DPY19L1: variants seen among roughly 807,000 people sequenced by gnomAD.
The protein encoded by DPY19L1 is protein C-mannosyl-transferase DPY19L1.
DPY19L1 carries 35 observed loss-of-function variants against 96.9 expected under a neutral mutation model. That is an observed-to-expected ratio of 0.36 (90% CI 0.28 to 0.48). DPY19L1 has a LOEUF of 0.48. DPY19L1 is among the 20% of genes least tolerant of loss of function. DPY19L1 has a pLI of 0.99. For missense variants in DPY19L1, 521 were observed against 777.9 expected (o/e 0.67, Z 3.93); for synonymous variants, 205 against 252.6 (o/e 0.81, Z 1.79).
At chr7:35,022,098 AAAT>A (rs1301929295) in intron 1 of DPY19L1, among the ~76,000 whole-genome samples, 3 of 152,176 alleles carry the variant, frequency 2.0e-5, no homozygotes, top group South Asian at 2.1e-4. Context: ...GCCTACAAAA[AAAT>A]AATATTTTAA....
chr7:34,956,044 T>G (rs1247430185), intron 11 of DPY19L1, among the ~76,000 whole-genome samples: 2 of 152,144 alleles, frequency 1.3e-5, no homozygotes, highest in Non-Finnish European at 2.9e-5. Context: ...TCATTTATTT[T>G]TATACACCAA....
At chr7:34,933,375 C>T (rs1783798950) in intron 21 of DPY19L1, among the ~76,000 whole-genome samples, 1 of 152,216 alleles carries the variant, frequency 6.6e-6, no homozygotes, top group Non-Finnish European at 1.5e-5. Flanking sequence ...TAAGTGAGAA[C>T]ATACAATATT....
In DPY19L1 at chr7:34,957,984, C is replaced by G; in HGVS notation, c.1179G>C (p.Trp393Cys). Residue 393 changes from tryptophan to cysteine, a missense_variant and splice_region_variant, in exon 11 of 22, where the codon TGG (tryptophan) becomes TGC (cysteine). By Grantham distance (215) the Trp-to-Cys change is radical (BLOSUM62 -2). Coordinates refer to ENST00000638088, the MANE Select transcript of DPY19L1 (RefSeq NM_001366673.1). ...CATATAAGTGTTAAGGAATACTTAC[C>G]CAAATAATTACCAAAGAAGAAGCAT... ...SYYASSLVII[W>C]GILAMKPHFL... The G allele has an allele frequency of 6.4e-7, 1 of 1,559,644 alleles. No homozygotes were observed.
At chr7:35,011,583 A>T in intron 4 of DPY19L1, 133 bp from the exon 5 acceptor site, 4 of 847,532 alleles carry the variant, frequency 4.7e-6, no homozygotes, top group Non-Finnish European at 7.1e-6. Flanking sequence ...CTTTAAATGT[A>T]GTAAAACAAG....
chr7:34,993,180 T>G (rs533764421), intron 6 of DPY19L1, among the ~76,000 whole-genome samples: 1 of 152,338 alleles, frequency 6.6e-6, no homozygotes, highest in South Asian at 2.1e-4. Context: ...TTTCCTTTAT[T>G]TCTTCTGCAC....
intron 6 of DPY19L1, among the ~76,000 whole-genome samples, chr7:34,994,140 C>A (rs572207176): frequency 2.6e-5 from 4 of 152,210 alleles, no homozygotes; most frequent in African/African-American, 9.6e-5. Context: ...ACAAAGAGAA[C>A]ATGATAAAAT....
At chr7:34,983,891 A>G (rs1003586339) in intron 7 of DPY19L1, among the ~76,000 whole-genome samples, 2 of 152,210 alleles carry the variant, frequency 1.3e-5, no homozygotes, top group African/African-American at 4.8e-5. Context: ...TGAACAAAGC[A>G]CGTCTAGGTT....
At chr7:34,995,148 A>C (rs1785255275) in intron 6 of DPY19L1, among the ~76,000 whole-genome samples, 1 of 152,182 alleles carries the variant, frequency 6.6e-6, no homozygotes, top group Non-Finnish European at 1.5e-5. Flanking sequence ...ATGTGACTTG[A>C]AACAAATCTA....
intron 7 of DPY19L1, among the ~76,000 whole-genome samples, chr7:34,982,992 C>A (rs1336101607): frequency 1.3e-5 from 2 of 152,160 alleles, no homozygotes; most frequent in Non-Finnish European, 2.9e-5. Flanking sequence ...CTGAGTTAAG[C>A]ACCTGGAAAG....
intron 3 of DPY19L1, among the ~76,000 whole-genome samples, chr7:35,017,412 G>A (rs1208654752): frequency 6.6e-6 from 1 of 150,566 alleles, no homozygotes; most frequent in Non-Finnish European, 1.5e-5. Flanking sequence ...GGAGAATGGC[G>A]TGAACCCGGG....
chr7:34,947,522 C>G, intron 15 of DPY19L1, 108 bp downstream of exon 15: 1 of 799,824 alleles, frequency 1.3e-6, no homozygotes, highest in South Asian at 1.7e-5. Context: ...TTACAGTAAG[C>G]CCATACAAAA....
intron 10 of DPY19L1, among the ~76,000 whole-genome samples, chr7:34,959,155 C>T (rs1434655095): frequency 6.6e-6 from 1 of 152,064 alleles, no homozygotes; most frequent in East Asian, 1.9e-4. Context: ...CAAATCAAAA[C>T]CACAATGAGA....
intron 10 of DPY19L1, among the ~76,000 whole-genome samples, chr7:34,962,618 G>A (rs1784523767): frequency 6.6e-6 from 1 of 152,096 alleles, no homozygotes; most frequent in Non-Finnish European, 1.5e-5. Flanking sequence ...GATCCCTTGA[G>A]CCCAGGAGGT....
chr7:34,970,538 T>C (rs1275098723), intron 8 of DPY19L1, among the ~76,000 whole-genome samples: 1 of 152,212 alleles, frequency 6.6e-6, no homozygotes, highest in Non-Finnish European at 1.5e-5. Flanking sequence ...CATACATGTA[T>C]GTGTATACTA....
intron 21 of DPY19L1, among the ~76,000 whole-genome samples, chr7:34,934,259 G>C (rs572117073): frequency 6.6e-6 from 1 of 152,206 alleles, no homozygotes; most frequent in South Asian, 2.1e-4. Flanking sequence ...CACCGCGCCC[G>C]GCCACATCTA....
intron 7 of DPY19L1, among the ~76,000 whole-genome samples, chr7:34,980,047 T>A (rs1429673007): frequency 6.6e-6 from 1 of 152,144 alleles, no homozygotes; most frequent in Non-Finnish European, 1.5e-5. Context: ...TGATACTGGC[T>A]TGAAGATAAA....
In DPY19L1 at chr7:34,989,868, G is replaced by A; in HGVS notation, c.822+16C>T. 6.3e-7 allele frequency: 1 copy of A among 1,576,352 alleles called. No individual in the cohort carries two copies. The highest frequency in any genetic ancestry group is 8.6e-7 in the Non-Finnish European group (1 of 1,165,784). On this transcript the variant is annotated intron_variant, in intron 7 of 21. Transcript: ENST00000638088. ...ATTTCCAGAAGTAATTCTGAGAATAGTTTTTGATTACCTACCTCTCCATGA... is the reference window on the plus strand; with the variant it reads ...ATTTCCAGAAGTAATTCTGAGAATAATTTTTGATTACCTACCTCTCCATGA...
At chr7:34,992,617 G>A (rs1343160982) in intron 6 of DPY19L1, among the ~76,000 whole-genome samples, 1 of 149,682 alleles carries the variant, frequency 6.7e-6, no homozygotes, top group South Asian at 2.1e-4. Flanking sequence ...CACAATCATG[G>A]CTCACTGCAG....
chr7:34,999,963 G>A (rs1785383052), intron 6 of DPY19L1, among the ~76,000 whole-genome samples: 1 of 152,162 alleles, frequency 6.6e-6, no homozygotes, highest in African/African-American at 2.4e-5. Flanking sequence ...CCTAGACAAA[G>A]GGATACACAG....
Sources: allele counts gnomAD v4.1 joint callset (sites outside exome capture counted in the v4.1 genomes callset), GRCh38; gene constraint gnomAD v4.1.1; transcripts MANE v1.5; gene names NCBI Gene and HGNC (gene_info 2026-07-23, HGNC 2026-07-21).